The following ADGRV1 variants were observed in gnomAD, a reference collection of about 807,000 sequenced individuals.
ADGRV1 encodes adhesion G protein-coupled receptor V1, also known as G-protein coupled receptor 98.
Under a neutral mutation model 596.2 loss-of-function variants are expected in ADGRV1, and 359 were observed. The observed-to-expected ratio is 0.60, with a 90% CI of 0.55 to 0.66. ADGRV1 has a LOEUF of 0.66. Among genes scored for constraint, ADGRV1 ranks in the 30% least tolerant of loss-of-function variants. ADGRV1 has a pLI of 0.00. For synonymous variants in ADGRV1, 2,681 were observed against 2,679.2 expected (o/e 1.00, Z -0.02); for missense variants, 7,274 against 7,575.6 (o/e 0.96, Z 1.48).
intron 87 of ADGRV1, among the ~76,000 whole-genome samples, chr5:91,130,498 G>A (rs1794121023): frequency 6.9e-6 from 1 of 144,144 alleles, no homozygotes. Context: ...CTCCAGCCTG[G>A]GTGACAAGAG....
chr5:90,591,573 G>A (rs910999740), intron 1 of ADGRV1, among the ~76,000 whole-genome samples: 2 of 152,098 alleles, frequency 1.3e-5, no homozygotes, highest in Non-Finnish European at 1.5e-5. Flanking sequence ...AATAACTAGA[G>A]ATTTGCTAAA....
intron 74 of ADGRV1, among the ~76,000 whole-genome samples, chr5:90,811,820 G>A (rs1762463891): frequency 1.4e-5 from 2 of 147,412 alleles, no homozygotes; most frequent in Non-Finnish European, 3.0e-5. Flanking sequence ...TCATACTATT[G>A]TGTATATACG....
chr5:90,586,379 T>G (rs940101628), intron 1 of ADGRV1, among the ~76,000 whole-genome samples: 5 of 152,216 alleles, frequency 3.3e-5, no homozygotes, highest in African/African-American at 1.2e-4. Context: ...CTTGAAAATG[T>G]CTTTTTATAG....
At chr5:91,097,189 G>C (rs1234008503) in intron 86 of ADGRV1, among the ~76,000 whole-genome samples, 1 of 152,162 alleles carries the variant, frequency 6.6e-6, no homozygotes, top group East Asian at 1.9e-4. Flanking sequence ...TTCAGTGTCT[G>C]GCAAGGGCCC....
At chr5:91,090,568 C>T (rs1320291932) in intron 86 of ADGRV1, among the ~76,000 whole-genome samples, 2 of 151,716 alleles carry the variant, frequency 1.3e-5, no homozygotes, top group African/African-American at 4.8e-5. Context: ...CTCACATTCT[C>T]CTCTTTAACC....
intron 70 of ADGRV1, among the ~76,000 whole-genome samples, chr5:90,799,465 G>C (rs1198526035): frequency 1.3e-5 from 2 of 152,160 alleles, no homozygotes; most frequent in East Asian, 3.8e-4. Context: ...CATGCTCATG[G>C]ATAGGAAGAA....
chr5:91,121,336 T>C (rs1303369476), intron 87 of ADGRV1, among the ~76,000 whole-genome samples: 4 of 152,184 alleles, frequency 2.6e-5, no homozygotes, highest in Non-Finnish European at 4.4e-5. Flanking sequence ...ACTTGTTCCA[T>C]GAATGCACCC....
intron 11 of ADGRV1, among the ~76,000 whole-genome samples, chr5:90,638,740 A>T (rs974823155): frequency 1.3e-5 from 2 of 152,144 alleles, no homozygotes; most frequent in African/African-American, 4.8e-5. Context: ...ATTCAAGATA[A>T]ATTCAAGGGA....
chr5:90,609,850 G>C (rs1290926495), intron 1 of ADGRV1, among the ~76,000 whole-genome samples: 1 of 151,954 alleles, frequency 6.6e-6, no homozygotes, highest in Non-Finnish European at 1.5e-5. Context: ...TCAGGCCCTT[G>C]TCCCATCACT....
At chr5:90,717,930 C>T (rs1418024115) in intron 43 of ADGRV1, 1 of 152,210 alleles carries the variant, frequency 6.6e-6, no homozygotes, top group Non-Finnish European at 1.5e-5. Context: ...GGATTAAAGG[C>T]ATGAACCACT....
intron 1 of ADGRV1, among the ~76,000 whole-genome samples, chr5:90,565,651 A>G (rs1273925389): frequency 1.3e-5 from 2 of 152,136 alleles, no homozygotes; most frequent in Non-Finnish European, 1.5e-5. Flanking sequence ...AAGCATTTGT[A>G]TACAAGTTTT....
At chr5:90,569,697 G>T (rs1756272233) in intron 1 of ADGRV1, among the ~76,000 whole-genome samples, 1 of 150,596 alleles carries the variant, frequency 6.6e-6, no homozygotes, top group South Asian at 2.1e-4. Flanking sequence ...TTTTAATTTT[G>T]TGGTTGTTTC....
At chr5:91,084,469 C>T (rs1789685911) in intron 86 of ADGRV1, among the ~76,000 whole-genome samples, 1 of 152,068 alleles carries the variant, frequency 6.6e-6, no homozygotes, top group Admixed American at 6.5e-5. Context: ...CCAACAGGCA[C>T]ATGAAAAAAT....
chr5:90,972,985 A>G (rs1277710749), intron 84 of ADGRV1, among the ~76,000 whole-genome samples: 1 of 152,166 alleles, frequency 6.6e-6, no homozygotes, highest in Non-Finnish European at 1.5e-5. Context: ...AGAGAGAAGA[A>G]TCAAATAGAT....
chr5:90,607,109 G>A (rs1404285753), intron 1 of ADGRV1, among the ~76,000 whole-genome samples: 2 of 152,142 alleles, frequency 1.3e-5, no homozygotes, highest in South Asian at 2.1e-4. Flanking sequence ...AAACCTGCAA[G>A]GACAAAAGGA....
At chr5:90,964,331 A>T (rs1353208864) in intron 83 of ADGRV1, among the ~76,000 whole-genome samples, 1 of 152,154 alleles carries the variant, frequency 6.6e-6, no homozygotes, top group Non-Finnish European at 1.5e-5. Flanking sequence ...GGAATAAATC[A>T]TTCATTCTTT....
Position 90,706,403 on chromosome 5 carries a change from CTTTT to C in ADGRV1, c.8730+18_8730+21del. 1 of 1,374,666 alleles carries C rather than the reference CTTTT, an allele frequency of 7.3e-7. No individual in the cohort carries two copies. The highest frequency in any genetic ancestry group is 9.8e-7 in the Non-Finnish European group (1 of 1,024,950). The allele number at this position is 1,374,666 out of a possible 1,614,324, so 85.2% of individuals were successfully genotyped here. ...ACATTACCATTCTTGAGGTAAAACT[CTTTT>C]TTTTTTTTAATCTTAGGGGGAGATA... On this transcript the variant is annotated intron_variant, in intron 38 of 89. Coordinates refer to ENST00000405460, the MANE Select transcript of ADGRV1 (RefSeq NM_032119.4).
At chr5:91,069,928 C>CAAAAAAAAA (rs70973728) in intron 85 of ADGRV1, among the ~76,000 whole-genome samples, 5 of 136,880 alleles carry the variant, frequency 3.7e-5, no homozygotes, top group African/African-American at 1.1e-4. Context: ...AATGTAGCCA[C>CAAAAAAAAA]AAAAAAAAAA....
chr5:90,749,379 C>T (rs545235209), intron 52 of ADGRV1, among the ~76,000 whole-genome samples: 6 of 152,200 alleles, frequency 3.9e-5, no homozygotes, highest in African/African-American at 1.2e-4. Context: ...AGAGAGCTGG[C>T]TTTTTAAAAA....
Sources: gnomAD v4.1 joint callset for allele counts (sites outside exome capture counted in the v4.1 genomes callset) on GRCh38, gnomAD v4.1.1 for gene constraint, MANE v1.5 for transcripts, NCBI Gene and HGNC (gene_info 2026-07-23, HGNC 2026-07-21) for gene names.